The following MAGI2 variants were observed in gnomAD, a reference collection of about 807,000 sequenced individuals.
The protein encoded by MAGI2 is membrane associated guanylate kinase, WW and PDZ domain containing 2, also known as membrane-associated guanylate kinase, WW and PDZ domain-containing protein 2.
In MAGI2, 35 loss-of-function variants were observed where a neutral mutation model predicts 133.3. That is an observed-to-expected ratio of 0.26 (90% CI 0.20 to 0.35). MAGI2 has a LOEUF of 0.35. Ranked by LOEUF, MAGI2 falls within the 10% of genes least tolerant of loss-of-function variation. The probability of loss-of-function intolerance (pLI) is 1.00; values close to 1 mark genes in which losing one functional copy is unlikely to be tolerated. For synonymous variants in MAGI2, 729 were observed against 710.6 expected (o/e 1.03, Z -0.41); for missense variants, 1,636 against 1,863.4 (o/e 0.88, Z 2.25).
chr7:78,021,374 A>G (rs1379697490), intron 21 of MAGI2, among the ~76,000 whole-genome samples: 1 of 152,232 alleles, frequency 6.6e-6, no homozygotes, highest in Non-Finnish European at 1.5e-5. Context: ...CTCCCTCACT[A>G]GCTAAAAGAT....
chr7:78,529,459 T>C (rs1797251684), intron 3 of MAGI2, among the ~76,000 whole-genome samples: 1 of 152,112 alleles, frequency 6.6e-6, no homozygotes, highest in Non-Finnish European at 1.5e-5. Context: ...TGATGTCAAA[T>C]ATACATCTGC....
rs577092106 is a variant in MAGI2, at chr7:79,131,006, T to A, written c.302-123800A>T. Among the ~76,000 whole-genome samples the A allele has an allele frequency of 2.0e-5, 3 of 152,234 alleles. No homozygotes were observed. In the East Asian group the frequency reaches 5.8e-4, roughly 29 times the overall value. ...TTTATAGAAGGAACAGGGATGAGGA[T>A]CATGGAGCAGGTACTAGGCTAGTTA... On this transcript the variant is annotated intron_variant, in intron 1 of 21. Transcript: ENST00000354212.
At chr7:78,767,052 C>G (rs952042470) in intron 2 of MAGI2, among the ~76,000 whole-genome samples, 4 of 151,564 alleles carry the variant, frequency 2.6e-5, no homozygotes, top group Non-Finnish European at 5.9e-5. Context: ...TGCAATGGCA[C>G]GATCTCAGCT....
At chr7:79,089,349 G>C (rs905940736) in intron 1 of MAGI2, among the ~76,000 whole-genome samples, 1 of 152,120 alleles carries the variant, frequency 6.6e-6, no homozygotes, top group Non-Finnish European at 1.5e-5. Flanking sequence ...TTTTTACACT[G>C]GTAGTAGGAG....
chr7:78,613,486 C>G (rs1465021609), intron 3 of MAGI2, among the ~76,000 whole-genome samples: 2 of 152,102 alleles, frequency 1.3e-5, no homozygotes, highest in Non-Finnish European at 2.9e-5. Flanking sequence ...GTAGAGGAAG[C>G]TTTCTAGGAT....
chr7:79,390,416 A>T (rs1289787497), intron 1 of MAGI2, among the ~76,000 whole-genome samples: 1 of 152,246 alleles, frequency 6.6e-6, no homozygotes, highest in Non-Finnish European at 1.5e-5. Context: ...AAGAGTAAAT[A>T]TTAAATAAAA....
chr7:79,447,085 A>G (rs112662151), intron 1 of MAGI2, among the ~76,000 whole-genome samples: 333 of 152,346 alleles, frequency 2.2e-3, no homozygotes, highest in African/African-American at 7.6e-3. Context: ...AACAATATAT[A>G]TTAAACTTAA....
chr7:78,944,738 T>TTTATTTATTTATTTAC (rs1291722582), intron 2 of MAGI2, among the ~76,000 whole-genome samples: 48 of 105,838 alleles, frequency 4.5e-4, no homozygotes, highest in South Asian at 2.6e-3. Flanking sequence ...TATTTATTTA[T>TTTATTTATTTATTTAC]TTACTTATTT....
At chr7:78,066,158 G>C (rs992963733) in intron 21 of MAGI2, among the ~76,000 whole-genome samples, 1 of 151,982 alleles carries the variant, frequency 6.6e-6, no homozygotes, top group African/African-American at 2.4e-5. Context: ...CTAAAACTTT[G>C]CGTATTAAAT....
intron 1 of MAGI2, among the ~76,000 whole-genome samples, chr7:79,141,209 T>C (rs936214927): frequency 6.6e-6 from 1 of 152,178 alleles, no homozygotes; most frequent in African/African-American, 2.4e-5. Context: ...CTCCTTCCTT[T>C]TCCTGTCTTG....
intron 1 of MAGI2, among the ~76,000 whole-genome samples, chr7:79,039,005 T>A (rs1300268138): frequency 6.6e-6 from 1 of 152,228 alleles, no homozygotes; most frequent in Admixed American, 6.5e-5. Context: ...CTTTTCAATA[T>A]CTGTATCGTT....
In MAGI2 at chr7:78,814,044, A is replaced by C. The variant is rs544711261; in HGVS notation, c.419-186805T>G. 6.4e-4 allele frequency among the ~76,000 whole-genome samples: 97 copies of C among 152,274 alleles called. 1 individual carries two copies. Among genetic ancestry groups the C allele is most frequent in the Non-Finnish European group, 9.3e-4 (63 of 68,024 alleles). ...ATAAATCAAGAAAATGAAATCAATA[A>C]GTTTTCTCCATTTTTGGATGTTATT... On this transcript the variant is annotated intron_variant, in intron 2 of 21. Transcript: ENST00000354212.
chr7:78,705,280 C>G (rs750648162), intron 2 of MAGI2, among the ~76,000 whole-genome samples: 1 of 151,976 alleles, frequency 6.6e-6, no homozygotes, highest in Non-Finnish European at 1.5e-5. Flanking sequence ...GGCTCTTCCC[C>G]CTTCACTCTC....
At chr7:78,332,209 G>C (rs1789280887) in intron 9 of MAGI2, among the ~76,000 whole-genome samples, 1 of 152,182 alleles carries the variant, frequency 6.6e-6, no homozygotes, top group Admixed American at 6.5e-5. Context: ...AGAAAAGACA[G>C]AAATGAGAAT....
intron 18 of MAGI2, among the ~76,000 whole-genome samples, chr7:78,130,369 C>A (rs541352477): frequency 6.6e-6 from 1 of 152,256 alleles, no homozygotes; most frequent in African/African-American, 2.4e-5. Context: ...TTTTATCCCG[C>A]TCTAACATGG....
At chr7:79,029,781 G>A (rs1161093274) in intron 1 of MAGI2, among the ~76,000 whole-genome samples, 1 of 152,014 alleles carries the variant, frequency 6.6e-6, no homozygotes, top group Non-Finnish European at 1.5e-5. Context: ...GGTAAATAGG[G>A]TGGTGTTCTA....
intron 2 of MAGI2, among the ~76,000 whole-genome samples, chr7:78,859,752 G>A (rs909445885): frequency 7.9e-5 from 12 of 152,044 alleles, no homozygotes; most frequent in South Asian, 2.1e-4. Context: ...TCTTCATGGC[G>A]TTCTCTGTAT....
At chr7:78,330,672 C>CAAG (rs1024748885) in intron 9 of MAGI2, among the ~76,000 whole-genome samples, 14 of 131,244 alleles carry the variant, frequency 1.1e-4, no homozygotes, top group Non-Finnish European at 3.2e-5. Context: ...ATTTAATCAA[C>CAAG]AAGTTGAATA....
At chr7:78,927,036 G>T (rs1799751500) in intron 2 of MAGI2, among the ~76,000 whole-genome samples, 1 of 151,912 alleles carries the variant, frequency 6.6e-6, no homozygotes, top group African/African-American at 2.4e-5. Flanking sequence ...CAGGAAAAAG[G>T]TTGTATGGCC....
Sources: gnomAD v4.1 joint callset for allele counts (sites outside exome capture counted in the v4.1 genomes callset) on GRCh38, gnomAD v4.1.1 for gene constraint, MANE v1.5 for transcripts, NCBI Gene and HGNC (gene_info 2026-07-23, HGNC 2026-07-21) for gene names.